Variants in MAP7 observed in about 807,000 individuals in gnomAD.
The protein encoded by MAP7 is ensconsin.
In MAP7, 52 loss-of-function variants were observed where a neutral mutation model predicts 94.8. The ratio of observed to expected loss-of-function variants is 0.55; its 90% CI spans 0.44 to 0.69. MAP7 has a LOEUF of 0.69. MAP7 is among the 30% of genes least tolerant of loss of function. The pLI is 0.00. For synonymous variants in MAP7, 350 were observed against 357.0 expected (o/e 0.98, Z 0.22); for missense variants, 940 against 964.6 (o/e 0.97, Z 0.34).
chr6:136,433,844 C>T (rs970027500), intron 1 of MAP7, among the ~76,000 whole-genome samples: 1 of 152,188 alleles, frequency 6.6e-6, no homozygotes, highest in African/African-American at 2.4e-5. Flanking sequence ...TCCATGCCCA[C>T]TTCAAAGCCA....
intron 1 of MAP7, among the ~76,000 whole-genome samples, chr6:136,460,706 C>G (rs1207827979): frequency 2.6e-5 from 4 of 152,108 alleles, no homozygotes; most frequent in Non-Finnish European, 5.9e-5. Context: ...CACTTGCCAT[C>G]CTGGGACTAG....
intron 1 of MAP7, among the ~76,000 whole-genome samples, chr6:136,495,356 G>A (rs1817865946): frequency 6.6e-6 from 1 of 151,922 alleles, no homozygotes; most frequent in African/African-American, 2.4e-5. Context: ...TTCCAATTTG[G>A]TCATAGCTTA....
intron 1 of MAP7, among the ~76,000 whole-genome samples, chr6:136,478,594 A>G (rs776485310): frequency 1.2e-4 from 18 of 152,180 alleles, no homozygotes; most frequent in Non-Finnish European, 2.6e-4. Context: ...TAATCCAGAT[A>G]AAATCAGAAA....
At chr6:136,368,083 T>C (rs1235520828) in intron 8 of MAP7, among the ~76,000 whole-genome samples, 1 of 152,138 alleles carries the variant, frequency 6.6e-6, no homozygotes, top group Non-Finnish European at 1.5e-5. Context: ...ACAGTACCTT[T>C]GAGCCAATTC....
chr6:136,496,353 A>C (rs776061261), intron 1 of MAP7, among the ~76,000 whole-genome samples: 5 of 152,226 alleles, frequency 3.3e-5, no homozygotes, highest in Non-Finnish European at 7.3e-5. Context: ...ATGTCATACA[A>C]CTAATAAATG....
intron 1 of MAP7, among the ~76,000 whole-genome samples, chr6:136,508,082 T>C (rs544762704): frequency 7.2e-5 from 11 of 152,262 alleles, no homozygotes; most frequent in Admixed American, 2.0e-4. Context: ...TGCCAGCACT[T>C]TGGGAGGCTG....
chr6:136,443,816 G>A (rs1221193088), intron 1 of MAP7, among the ~76,000 whole-genome samples: 1 of 152,058 alleles, frequency 6.6e-6, no homozygotes, highest in African/African-American at 2.4e-5. Context: ...TGTTAAGGGG[G>A]CTAAAACCTC....
chr6:136,539,227 G>T (rs1829121817), intron 1 of MAP7, among the ~76,000 whole-genome samples: 1 of 152,122 alleles, frequency 6.6e-6, no homozygotes, highest in Non-Finnish European at 1.5e-5. Flanking sequence ...TTTAATCCCT[G>T]TGACGATATT....
At chr6:136,419,948 A>G (rs1348930556) in intron 2 of MAP7, 2 of 649,634 alleles carry the variant, frequency 3.1e-6, no homozygotes, top group Non-Finnish European at 2.9e-6. Context: ...TCTGATAGCT[A>G]TAACTTGGTT....
At chr6:136,549,305 T>G (rs1168320863) in intron 1 of MAP7, among the ~76,000 whole-genome samples, 1 of 152,170 alleles carries the variant, frequency 6.6e-6, no homozygotes, top group East Asian at 1.9e-4. Context: ...TTGAATTTCT[T>G]TTTAAAGTAA....
chr6:136,366,561 C>T lies in MAP7; in HGVS notation c.877-122G>A, dbSNP rs1005167733. 2.4e-5 allele frequency: 16 copies of T among 671,396 alleles called. No individual in the cohort carries two copies. In the Admixed American group the frequency reaches 2.6e-4, roughly 11 times the overall value. The allele number at this position is 671,396 out of a possible 1,614,324, so 41.6% of individuals were successfully genotyped here. Reference sequence around the variant, plus strand: ...TTAAGAAATTTTCTTAGCTATGTCACATATACCCATTCCATCTCAACAAAA... The same window carrying T: ...TTAAGAAATTTTCTTAGCTATGTCATATATACCCATTCCATCTCAACAAAA... On this transcript the variant is annotated intron_variant, in intron 8 of 17. Transcript: ENST00000354570.
At chr6:136,543,178 C>A (rs1829462040) in intron 1 of MAP7, among the ~76,000 whole-genome samples, 1 of 152,202 alleles carries the variant, frequency 6.6e-6, no homozygotes, top group South Asian at 2.1e-4. Flanking sequence ...CAGCATTATT[C>A]ATAATTGCCA....
chr6:136,544,353 C>T lies in MAP7; in HGVS notation c.67+5989G>A, dbSNP rs536208250. 1.8e-4 allele frequency among the ~76,000 whole-genome samples: 28 copies of T among 152,336 alleles called. No individual in the cohort carries two copies. In the South Asian group the frequency reaches 4.8e-3, roughly 26 times the overall value. On this transcript the variant is annotated intron_variant, in intron 1 of 17. Transcript: ENST00000354570. ...CTACCTTTCTTCCCAAACTGCTTAT[C>T]TCACAATCACTTCTAATCTGATGTA...
At chr6:136,393,756 C>T (rs1781457854) in intron 3 of MAP7, among the ~76,000 whole-genome samples, 1 of 151,876 alleles carries the variant, frequency 6.6e-6, no homozygotes, top group Non-Finnish European at 1.5e-5. Context: ...CTGCCTCAGC[C>T]TCCTAAAGGG....
At chr6:136,446,553 G>A (rs571465430) in intron 1 of MAP7, among the ~76,000 whole-genome samples, 1 of 152,276 alleles carries the variant, frequency 6.6e-6, no homozygotes, top group African/African-American at 2.4e-5. Context: ...CCCAGAAGTT[G>A]GGGAGGTGCA....
chr6:136,479,831 A>G (rs1275021992), intron 1 of MAP7, among the ~76,000 whole-genome samples: 1 of 152,190 alleles, frequency 6.6e-6, no homozygotes, highest in African/African-American at 2.4e-5. Context: ...TAAAACACTG[A>G]TGCCAGAAAT....
chr6:136,421,634 C>A (rs761499641), intron 2 of MAP7, 67 bp downstream of exon 2: 268 of 1,398,944 alleles, frequency 1.9e-4, no homozygotes, highest in Non-Finnish European at 2.6e-4. Flanking sequence ...CCTTTATAAT[C>A]ATCAGCATGC....
At chr6:136,420,001 T>A in intron 2 of MAP7, 1 of 784,230 alleles carries the variant, frequency 1.3e-6, no homozygotes, top group Middle Eastern at 2.6e-4. Flanking sequence ...CTGTTGTGAC[T>A]CAAGGATATT....
intron 1 of MAP7, among the ~76,000 whole-genome samples, chr6:136,491,568 C>A (rs938910681): frequency 6.6e-6 from 1 of 152,170 alleles, no homozygotes; most frequent in Non-Finnish European, 1.5e-5. Context: ...GTGGGCAAAC[C>A]TGTATCCCTG....
Sources: gnomAD v4.1 joint callset for allele counts (sites outside exome capture counted in the v4.1 genomes callset) on GRCh38, gnomAD v4.1.1 for gene constraint, MANE v1.5 for transcripts, NCBI Gene and HGNC (gene_info 2026-07-23, HGNC 2026-07-21) for gene names.